PSORS1C1: variants seen among roughly 807,000 people sequenced by gnomAD.
The protein encoded by PSORS1C1 is psoriasis susceptibility 1 candidate gene 1 protein.
Under a neutral mutation model 9.4 loss-of-function variants are expected in PSORS1C1, and 7 were observed. That is an observed-to-expected ratio of 0.75 (90% CI 0.42 to 1.40). The LOEUF is 1.40. PSORS1C1 is among the 40% of genes most tolerant of loss of function. PSORS1C1 has a pLI of 0.01. For missense variants in PSORS1C1, 146 were observed against 178.1 expected (o/e 0.82, Z 1.02); for synonymous variants, 63 against 69.4 (o/e 0.91, Z 0.46).
At chr6:31,121,885 A>G (rs1772480838) in intron 1 of PSORS1C1, among the ~76,000 whole-genome samples, 1 of 152,234 alleles carries the variant, frequency 6.6e-6, no homozygotes, top group Non-Finnish European at 1.5e-5. Flanking sequence ...AATTTTAATT[A>G]ATTGTAATGA....
At chr6:31,132,707 C>T (rs1228486160) in intron 3 of PSORS1C1, among the ~76,000 whole-genome samples, 1 of 151,946 alleles carries the variant, frequency 6.6e-6, no homozygotes, top group Admixed American at 6.6e-5. Context: ...AAAATTAGCC[C>T]AGTGAGTGGA....
chr6:31,116,977 G>A lies in PSORS1C1; in HGVS notation c.-229+2086G>A, dbSNP rs1772173594. 12 of 1,614,124 alleles carry A rather than the reference G, an allele frequency of 7.4e-6. No individual in the cohort carries two copies. The Admixed American group carries it at 1.0e-4, about 13-fold the overall frequency. ...GTCCGAACTACAGGGACGCTGGTTG[G>A]AGCTGACGCTTTGGCCACTGCTGGA... On this transcript the variant is annotated intron_variant, in intron 1 of 5. Coordinates refer to ENST00000259881, the MANE Select transcript of PSORS1C1 (RefSeq NM_014068.3).
intron 4 of PSORS1C1, 52 bp downstream of exon 4, chr6:31,138,511 C>G: frequency 6.2e-7 from 1 of 1,606,876 alleles, no homozygotes; most frequent in Non-Finnish European, 8.5e-7. Context: ...CCCCTACCCC[C>G]GATGGATCTG....
At chr6:31,122,758 G>A (rs1335327254) in intron 1 of PSORS1C1, among the ~76,000 whole-genome samples, 1 of 152,146 alleles carries the variant, frequency 6.6e-6, no homozygotes, top group Non-Finnish European at 1.5e-5. Context: ...CAGCCTGGGT[G>A]ACAAAAGGGA....
At position 31,139,956 on chromosome 6, in the gene PSORS1C1, C is replaced by T. The variant is rs1966; in HGVS notation, c.*24C>T. The T allele has an allele frequency of 0.21, 328,305 of 1,594,380 alleles. 35,445 individuals carry two copies. Among genetic ancestry groups the T allele is most frequent in the East Asian group, 0.34 (15,136 of 44,516 alleles). On this transcript the variant is annotated 3_prime_UTR_variant, in exon 6 of 6. Transcript: ENST00000259881. This position sits in a 1 kb window ranked among gnomAD's most constrained non-coding sequence, Gnocchi z 5.2. ...AAGCCTCCCAGAGAGACCCCTAGAA[C>T]GTTTCCCTCAAGGACCTTTCTGCCT...
At chr6:31,116,394 G>GCTGCTGGAAATGCTAGAA (rs779410891) in intron 1 of PSORS1C1, 2 of 1,601,228 alleles carry the variant, frequency 1.2e-6, no homozygotes, top group Admixed American at 1.8e-5. Context: ...GTAAACCGGA[G>GCTGCTGGAAATGCTAGAA]CTGCTGGAAA....
intron 3 of PSORS1C1, among the ~76,000 whole-genome samples, chr6:31,129,987 C>T (rs915327650): frequency 2.6e-5 from 4 of 152,104 alleles, no homozygotes; most frequent in Admixed American, 6.5e-5. Flanking sequence ...CTACTCAGGA[C>T]GCTGTGGTAG....
chr6:31,133,208 G>C (rs529752696), intron 3 of PSORS1C1, among the ~76,000 whole-genome samples: 1 of 151,938 alleles, frequency 6.6e-6, no homozygotes, highest in African/African-American at 2.4e-5. Flanking sequence ...GCCCCACAAG[G>C]TTCATGGCCT....
chr6:31,121,260 G>A (rs3095316), intron 1 of PSORS1C1, among the ~76,000 whole-genome samples: 1 of 151,468 alleles, frequency 6.6e-6, no homozygotes, highest in Non-Finnish European at 1.5e-5. Flanking sequence ...TACTCACAGG[G>A]CACTCACAGC....
chr6:31,123,180 G>T (rs1360799678), intron 1 of PSORS1C1, among the ~76,000 whole-genome samples: 1 of 152,232 alleles, frequency 6.6e-6, no homozygotes, highest in Middle Eastern at 3.4e-3. Flanking sequence ...GTGCAGCCAC[G>T]TCCCTCCTCC....
chr6:31,116,179 G>A, intron 1 of PSORS1C1: 1 of 1,612,598 alleles, frequency 6.2e-7, no homozygotes, highest in African/African-American at 1.3e-5. Context: ...ACCAGCGGAG[G>A]GATCAGGATG....
At chr6:31,135,454 G>C (rs1773099747) in intron 3 of PSORS1C1, among the ~76,000 whole-genome samples, 1 of 152,046 alleles carries the variant, frequency 6.6e-6, no homozygotes, top group African/African-American at 2.4e-5. Context: ...CTGACCTCAA[G>C]TGATCTGCCT....
At chr6:31,116,597 C>T in intron 1 of PSORS1C1, 1 of 1,613,580 alleles carries the variant, frequency 6.2e-7, no homozygotes, top group Non-Finnish European at 8.5e-7. Context: ...GGCCCAGCTG[C>T]AAAGGAAGGG....
Position 31,125,789 on chromosome 6 carries a change from A to G in PSORS1C1, c.-115A>G, listed in dbSNP as rs1772655610. The G allele has an allele frequency of 6.6e-6, 1 of 152,290 alleles. No homozygotes were observed. The highest frequency in any genetic ancestry group is 2.4e-5 in the African/African-American group (1 of 41,462). The allele number at this position is 152,290 out of a possible 1,614,324, so 9.4% of individuals were successfully genotyped here. A position where few individuals can be genotyped will look rare whatever the true frequency, so the allele number is the denominator to read the frequency against. On this transcript the variant is annotated 5_prime_UTR_variant, in exon 2 of 6. Transcript: ENST00000259881. ...CGCCCCAGTGGCTTTGAAATGCAAC[A>G]GAAACCATCACCCCCGGACCGTGGG...
At chr6:31,137,901 G>A (rs1460903888) in intron 3 of PSORS1C1, 1 of 864,112 alleles carries the variant, frequency 1.2e-6, no homozygotes, top group Admixed American at 3.4e-5. Context: ...GGGTGGAGAG[G>A]GCGTGGGTGC....
rs977795905 is a variant in PSORS1C1, at chr6:31,128,340, C to T, written c.-64-1229C>T. On this transcript the variant is annotated intron_variant, in intron 2 of 5. Coordinates refer to ENST00000259881, the MANE Select transcript of PSORS1C1 (RefSeq NM_014068.3). This position sits in a 1 kb window ranked among gnomAD's most constrained non-coding sequence, Gnocchi z 4.3. Reference sequence around the variant, plus strand: ...ACCTGAGAGCCGCTACCTTGGCTCTCAGCATTGCACGGGAGTTTAGAGGTT... The same window carrying T: ...ACCTGAGAGCCGCTACCTTGGCTCTTAGCATTGCACGGGAGTTTAGAGGTT... 2.6e-5 allele frequency among the ~76,000 whole-genome samples: 4 copies of T among 152,150 alleles called. No individual in the cohort carries two copies. The highest frequency in any genetic ancestry group is 9.7e-5 in the African/African-American group (4 of 41,420).
chr6:31,116,186 G>T (rs753307421), intron 1 of PSORS1C1: 3 of 1,613,576 alleles, frequency 1.9e-6, no homozygotes, highest in Non-Finnish European at 2.5e-6. Flanking sequence ...GAGGGATCAG[G>T]ATGGGGAGAG....
chr6:31,115,693 T>C lies in PSORS1C1; in HGVS notation c.-229+802T>C. ...AGGGGTTTCCCAGTTGAGAAGCTGA[T>C]GGGGGTGTTACTCAATGGACCATTT... is the stretch of plus-strand genomic sequence containing the variant. On this transcript the variant is annotated intron_variant, in intron 1 of 5. Transcript: ENST00000259881. The surrounding 1 kb of genome is among the most constrained non-coding windows in gnomAD (Gnocchi z 4.2). The C allele has an allele frequency of 2.7e-6, 1 of 364,514 alleles. No individual in the cohort carries two copies. The highest frequency in any genetic ancestry group is 4.3e-5 in the East Asian group (1 of 23,422). The allele number at this position is 364,514 out of a possible 1,614,324, so 22.6% of individuals were successfully genotyped here. A position where few individuals can be genotyped will look rare whatever the true frequency, so the allele number is the denominator to read the frequency against.
rs1051730990 is a variant in PSORS1C1 at position 31,128,146 on chromosome 6, G to A, written c.-64-1423G>A. 6.6e-6 allele frequency among the ~76,000 whole-genome samples: 1 copy of A among 152,202 alleles called. No individual in the cohort carries two copies. Among genetic ancestry groups the A allele is most frequent in the Non-Finnish European group, 1.5e-5 (1 of 68,036 alleles). ...GAGCCTGTCTCGCCTCGCCTCACAT[G>A]CCTGGCTCACCTTAGAACGGTCACC... On this transcript the variant is annotated intron_variant, in intron 2 of 5. Coordinates refer to ENST00000259881, the MANE Select transcript of PSORS1C1 (RefSeq NM_014068.3). The surrounding 1 kb of genome is among the most constrained non-coding windows in gnomAD (Gnocchi z 4.3).
Sources: allele counts gnomAD v4.1 joint callset (sites outside exome capture counted in the v4.1 genomes callset), GRCh38; gene constraint gnomAD v4.1.1; non-coding constraint Gnocchi (gnomAD v3.1); transcripts MANE v1.5; gene names NCBI Gene and HGNC (gene_info 2026-07-23, HGNC 2026-07-21).